Variants in PLA2G4A observed in about 807,000 individuals in gnomAD.
PLA2G4A encodes phospholipase A2 group IVA.
PLA2G4A carries 40 observed loss-of-function variants against 81.9 expected under a neutral mutation model. The ratio of observed to expected loss-of-function variants is 0.49; its 90% confidence interval spans 0.38 to 0.64. PLA2G4A has a LOEUF of 0.64. PLA2G4A is among the 30% of genes least tolerant of loss of function. The probability of loss-of-function intolerance (pLI) is 0.00; values close to 1 mark genes in which losing one functional copy is unlikely to be tolerated. For synonymous variants in PLA2G4A, 302 were observed against 296.9 expected (o/e 1.02, Z -0.18); for missense variants, 715 against 905.1 (o/e 0.79, Z 2.69).
chr1:186,895,613 G>T (rs1558411565), intron 5 of PLA2G4A, among the ~76,000 whole-genome samples: 1 of 152,310 alleles, frequency 6.6e-6, no homozygotes, highest in East Asian at 1.9e-4. Context: ...TGGAAGTAGG[G>T]AGATACATAC....
chr1:186,866,262 T>C (rs1653027216), intron 2 of PLA2G4A, among the ~76,000 whole-genome samples: 1 of 152,114 alleles, frequency 6.6e-6, no homozygotes, highest in Admixed American at 6.6e-5. Flanking sequence ...TGGATAATCA[T>C]CGATTGAAAC....
intron 8 of PLA2G4A, among the ~76,000 whole-genome samples, chr1:186,935,301 A>G (rs191513898): frequency 6.6e-6 from 1 of 151,952 alleles, no homozygotes; most frequent in South Asian, 2.1e-4. Flanking sequence ...AAATAGGCAT[A>G]TGAACCTCAT....
At chr1:186,850,421 C>T (rs1045120718) in intron 1 of PLA2G4A, among the ~76,000 whole-genome samples, 1 of 152,106 alleles carries the variant, frequency 6.6e-6, no homozygotes, top group Non-Finnish European at 1.5e-5. Flanking sequence ...TCATAATAAA[C>T]AGTGTTACTA....
chr1:186,924,786 G>A (rs1352840072), intron 7 of PLA2G4A, among the ~76,000 whole-genome samples: 1 of 152,160 alleles, frequency 6.6e-6, no homozygotes. Flanking sequence ...AGGATTCTCA[G>A]TCAGGGTGTG....
intron 3 of PLA2G4A, among the ~76,000 whole-genome samples, chr1:186,881,458 T>C (rs958702664): frequency 2.6e-5 from 4 of 152,032 alleles, no homozygotes; most frequent in Non-Finnish European, 5.9e-5. Context: ...CACTAACTTT[T>C]CCAGCTTCTG....
At chr1:186,901,119 G>A (rs1370036858) in intron 5 of PLA2G4A, among the ~76,000 whole-genome samples, 3 of 152,148 alleles carry the variant, frequency 2.0e-5, no homozygotes, top group African/African-American at 7.2e-5. Context: ...GAGACAAAGT[G>A]GAGTTTGGAG....
intron 14 of PLA2G4A, among the ~76,000 whole-genome samples, chr1:186,964,923 C>T (rs1204513789): frequency 6.6e-6 from 1 of 152,184 alleles, no homozygotes; most frequent in Non-Finnish European, 1.5e-5. Flanking sequence ...AGCCTGGGAA[C>T]CATACAGAGT....
At position 186,856,880 on chromosome 1, in the gene PLA2G4A, G is replaced by A. The variant is rs996984514; in HGVS notation, c.33+2493G>A. 2.7e-5 allele frequency among the ~76,000 whole-genome samples: 4 copies of A among 150,770 alleles called. No homozygotes were observed. The Admixed American group carries it at 2.7e-4, about 10-fold the overall frequency. On this transcript the variant is annotated intron_variant, in intron 2 of 17. Transcript: ENST00000367466. ...TCTGAATTGGAAAAAATAAGCATATGTGAAGTAGTCTGAAGGCGGGATATA... is the reference window on the plus strand; with the variant it reads ...TCTGAATTGGAAAAAATAAGCATATATGAAGTAGTCTGAAGGCGGGATATA...
At chr1:186,926,026 G>C (rs1176723571) in intron 7 of PLA2G4A, among the ~76,000 whole-genome samples, 1 of 152,186 alleles carries the variant, frequency 6.6e-6, no homozygotes, top group Non-Finnish European at 1.5e-5. Context: ...TTTGAAACAG[G>C]AACACGAGTA....
At chr1:186,924,808 C>T (rs1324488777) in intron 7 of PLA2G4A, among the ~76,000 whole-genome samples, 1 of 152,166 alleles carries the variant, frequency 6.6e-6, no homozygotes, top group Non-Finnish European at 1.5e-5. Context: ...TTGCTCTCAC[C>T]TGTAATCCCA....
chr1:186,881,143 G>A (rs1653715786), intron 3 of PLA2G4A, among the ~76,000 whole-genome samples: 1 of 151,970 alleles, frequency 6.6e-6, no homozygotes, highest in Non-Finnish European at 1.5e-5. Context: ...TTGACTGATG[G>A]CACTTTCTGA....
At chr1:186,984,584 T>C (rs1296578270) in intron 17 of PLA2G4A, among the ~76,000 whole-genome samples, 2 of 152,370 alleles carry the variant, frequency 1.3e-5, no homozygotes, top group South Asian at 4.1e-4. Context: ...TCTTAATTCA[T>C]TAATTCATTG....
intron 3 of PLA2G4A, among the ~76,000 whole-genome samples, chr1:186,876,243 A>G (rs1395539343): frequency 6.6e-6 from 1 of 152,196 alleles, no homozygotes; most frequent in Non-Finnish European, 1.5e-5. Context: ...ATGCTCATGC[A>G]TAAAGTAGAT....
chr1:186,889,668 GACA>G (rs1048802232), intron 3 of PLA2G4A, among the ~76,000 whole-genome samples: 5 of 148,306 alleles, frequency 3.4e-5, no homozygotes, highest in Admixed American at 1.4e-4. Context: ...GTTGTTGACA[GACA>G]ACATCTATTT....
chr1:186,899,148 T>G lies in PLA2G4A; in HGVS notation c.378+4937T>G, dbSNP rs531893124. ...CAGAGAATGGGGCAGTGTGTATATG[T>G]GTGTAAAGGGGTCACAAAGGCAGTT... is the stretch of plus-strand genomic sequence containing the variant. On this transcript the variant is annotated intron_variant, in intron 5 of 17. Coordinates refer to ENST00000367466, the MANE Select transcript of PLA2G4A (RefSeq NM_024420.3). 2.0e-4 allele frequency among the ~76,000 whole-genome samples: 31 copies of G among 152,280 alleles called. No individual in the cohort carries two copies. The South Asian group carries it at 6.2e-3, about 31-fold the overall frequency.
chr1:186,836,857 A>G (rs2101999639), intron 1 of PLA2G4A, among the ~76,000 whole-genome samples: 1 of 152,350 alleles, frequency 6.6e-6, no homozygotes, highest in African/African-American at 2.4e-5. Context: ...AAAAGAAAGC[A>G]AATGGGCTTC....
chr1:186,948,529 AAG>A (rs1656422298), intron 12 of PLA2G4A, among the ~76,000 whole-genome samples: 1 of 145,046 alleles, frequency 6.9e-6, no homozygotes, highest in African/African-American at 2.6e-5. Context: ...AAAAAAAAAA[AAG>A]AAGAAGAAAG....
intron 7 of PLA2G4A, among the ~76,000 whole-genome samples, chr1:186,914,038 T>C (rs1448070977): frequency 1.3e-5 from 2 of 152,192 alleles, no homozygotes; most frequent in Non-Finnish European, 2.9e-5. Flanking sequence ...TTAAAGTTTA[T>C]TTTAAAAAGA....
At chr1:186,867,796 A>T (rs970484960) in intron 2 of PLA2G4A, among the ~76,000 whole-genome samples, 10 of 152,070 alleles carry the variant, frequency 6.6e-5, no homozygotes, top group Non-Finnish European at 1.5e-4. Flanking sequence ...GGAAGCTTCC[A>T]TTTTGTCATC....
Sources: gnomAD v4.1 joint callset for allele counts (sites outside exome capture counted in the v4.1 genomes callset) on GRCh38, gnomAD v4.1.1 for gene constraint, MANE v1.5 for transcripts, NCBI Gene and HGNC (gene_info 2026-07-23, HGNC 2026-07-21) for gene names.